The following SETD5 variants were observed in gnomAD, a reference collection of about 807,000 sequenced individuals.
SETD5 encodes SET domain containing 5.
In SETD5, 44 loss-of-function variants were observed where a neutral mutation model predicts 153.3. The ratio of observed to expected loss-of-function variants is 0.29; its 90% CI spans 0.23 to 0.37. SETD5 has a LOEUF of 0.37. Ranked by LOEUF, SETD5 falls within the 10% of genes least tolerant of loss-of-function variation. The probability of loss-of-function intolerance (pLI) is 1.00; values close to 1 mark genes in which losing one functional copy is unlikely to be tolerated. For missense variants in SETD5, 1,544 were observed against 1,768.0 expected (o/e 0.87, Z 2.27); for synonymous variants, 716 against 645.2 (o/e 1.11, Z -1.66).
In SETD5 at chr3:9,437,522, CGTGT is replaced by C. The variant is rs6147703; in HGVS notation, c.567+1641_567+1644del. Among the ~76,000 whole-genome samples, 14 of 145,116 alleles carry C rather than the reference CGTGT, an allele frequency of 9.6e-5. No homozygotes were observed. In the East Asian group the frequency reaches 1.6e-3, roughly 17 times the overall value. On this transcript the variant is annotated intron_variant, in intron 7 of 22. Coordinates refer to ENST00000402198, the MANE Select transcript of SETD5 (RefSeq NM_001080517.3). ...TTATGCTGTCTGGTATCCTCCTTTA[CGTGT>C]GTGTGTGTGTGTGTGTGTGTGTGTA... is the stretch of plus-strand genomic sequence containing the variant.
At chr3:9,461,912 G>T (rs2043997809) in intron 17 of SETD5, among the ~76,000 whole-genome samples, 1 of 152,050 alleles carries the variant, frequency 6.6e-6, no homozygotes, top group Non-Finnish European at 1.5e-5. Flanking sequence ...TTACATGTTT[G>T]TTTCTGTTTT....
At chr3:9,444,728 C>T (rs751754769) in intron 11 of SETD5, among the ~76,000 whole-genome samples, 2 of 151,370 alleles carry the variant, frequency 1.3e-5, no homozygotes, top group Non-Finnish European at 2.9e-5. Context: ...CCGTCTCTGC[C>T]GAAAATAAAA....
Position 9,464,667 on chromosome 3 carries a change from T to G in SETD5, c.2719T>G (p.Phe907Val), listed in dbSNP as rs1380926941. The change falls in exon 18 of 23, where the codon TTT (phenylalanine) becomes GTT (valine). Residue 907 changes from phenylalanine to valine, a missense_variant. By Grantham distance (50) the Phe-to-Val change is conservative. This residue lies in a region of SETD5 where 782 missense variants were observed against 787.2 expected (regional missense o/e 0.99). Transcript: ENST00000402198. ...TAGTCGCTGCAACACTCCTCTACAG[T>G]TTGAGGTGATTTGGGTTTGGTTGCT... ...TASRCNTPLQ[F>V]ELCHRKDLDL... The G allele has an allele frequency of 1.2e-6, 2 of 1,613,882 alleles. No homozygotes were observed. The highest frequency in any genetic ancestry group is 1.7e-5 in the Admixed American group (1 of 60,004).
chr3:9,428,920 C>A lies in SETD5; in HGVS notation c.-19C>A, dbSNP rs2039634147. On this transcript the variant is annotated 5_prime_UTR_variant, in exon 3 of 23. Transcript: ENST00000402198. ...TTAATTGGACCCCGTGATTTCCAAT[C>A]TCTGCTGTGTTGGACGTCATGAGCA... 3.1e-6 allele frequency: 5 copies of A among 1,604,920 alleles called. No homozygotes were observed. The highest frequency in any genetic ancestry group is 4.3e-6 in the Non-Finnish European group (5 of 1,173,812).
At chr3:9,435,205 T>C (rs1423396196) in intron 6 of SETD5, among the ~76,000 whole-genome samples, 1 of 135,958 alleles carries the variant, frequency 7.4e-6, no homozygotes, top group Non-Finnish European at 1.5e-5. Flanking sequence ...ATTGCGCCAG[T>C]GCACTCCAGC....
Position 9,434,015 on chromosome 3 carries a change from T to C in SETD5, c.177+65T>C. The C allele has an allele frequency of 6.2e-7, 1 of 1,612,990 alleles. No homozygotes were observed. Among genetic ancestry groups the C allele is most frequent in the Non-Finnish European group, 8.5e-7 (1 of 1,179,628 alleles). ...CTGGAGTGTAATCCATTCTTATACATTGTGACTTTCTTGAAATGTTTATAT... is the reference window on the plus strand; with the variant it reads ...CTGGAGTGTAATCCATTCTTATACACTGTGACTTTCTTGAAATGTTTATAT... On this transcript the variant is annotated intron_variant, in intron 4 of 22. Transcript: ENST00000402198. The surrounding 1 kb of genome is among the most constrained non-coding windows in gnomAD (Gnocchi z 5.6).
At position 9,445,138 on chromosome 3, in the gene SETD5, ACCACCT is replaced by A; in HGVS notation, c.1281_1286del (p.Pro429_Pro430del). 6.2e-7 allele frequency: 1 copy of A among 1,614,016 alleles called. No individual in the cohort carries two copies. The highest frequency in any genetic ancestry group is 8.5e-7 in the Non-Finnish European group (1 of 1,179,896). On this transcript the variant is annotated inframe_deletion, in exon 12 of 23. Coordinates refer to ENST00000402198, the MANE Select transcript of SETD5 (RefSeq NM_001080517.3). ...CTAATGCTACAGAACTGCCACTCCT[ACCACCT>A]CCTCCAAGCCTACCCACCATTGGAG...
Position 9,434,922 on chromosome 3 carries a change from A to C in SETD5, c.388+40A>C, listed in dbSNP as rs770420799. On this transcript the variant is annotated intron_variant, in intron 6 of 22. Coordinates refer to ENST00000402198, the MANE Select transcript of SETD5 (RefSeq NM_001080517.3). The surrounding 1 kb of genome is among the most constrained non-coding windows in gnomAD (Gnocchi z 5.6). ...GGTTAGGTCCACAATTTGACATAAA[A>C]ATATTCTGTGATCTGAATGTTCATT... 3.1e-6 allele frequency: 5 copies of C among 1,599,822 alleles called. No homozygotes were observed. The highest frequency in any genetic ancestry group is 4.3e-6 in the Non-Finnish European group (5 of 1,172,638).
chr3:9,407,601 A>G (rs537852099), intron 1 of SETD5, among the ~76,000 whole-genome samples: 11 of 152,326 alleles, frequency 7.2e-5, no homozygotes, highest in Middle Eastern at 3.4e-3. Context: ...TTTTTATAGT[A>G]CACCTCATTT....
intron 2 of SETD5, among the ~76,000 whole-genome samples, chr3:9,428,190 A>G (rs965330832): frequency 2.0e-5 from 3 of 152,166 alleles, no homozygotes; most frequent in Non-Finnish European, 4.4e-5. Flanking sequence ...CTAGCAGCGT[A>G]TTATTACCCC....
chr3:9,412,575 T>A (rs1013991613), intron 1 of SETD5, among the ~76,000 whole-genome samples: 7 of 151,740 alleles, frequency 4.6e-5, no homozygotes, highest in Non-Finnish European at 7.4e-5. Context: ...GCTAATTTTT[T>A]AAAAAATATC....
Position 9,403,262 on chromosome 3 carries a change from AAAAT to A in SETD5, c.-177+5293_-177+5296del, listed in dbSNP as rs1400821163. Among the ~76,000 whole-genome samples the A allele has an allele frequency of 4.6e-5, 7 of 152,334 alleles. No homozygotes were observed. The South Asian group carries it at 8.3e-4, about 18-fold the overall frequency. On this transcript the variant is annotated intron_variant, in intron 1 of 22. Coordinates refer to ENST00000402198, the MANE Select transcript of SETD5 (RefSeq NM_001080517.3). ...TCCATTCTCGCCAAGGAAAAATAAA[AAAAT>A]AAATAAAGCTCTGTATAGGTTAAAA...
At chr3:9,448,280 C>A in intron 15 of SETD5, 108 bp from the exon 16 acceptor site, 1 of 1,464,216 alleles carries the variant, frequency 6.8e-7, no homozygotes, top group Non-Finnish European at 9.1e-7. Context: ...TTCATTCTTA[C>A]TGCAGCTGCT....
chr3:9,408,631 T>C (rs1287191366), intron 1 of SETD5, among the ~76,000 whole-genome samples: 1 of 152,208 alleles, frequency 6.6e-6, no homozygotes, highest in Non-Finnish European at 1.5e-5. Context: ...CCCACCTGTA[T>C]TTCATGTAAA....
chr3:9,433,524 C>G, intron 3 of SETD5: 1 of 1,293,308 alleles, frequency 7.7e-7, no homozygotes, highest in Non-Finnish European at 1.0e-6. Flanking sequence ...CTAAACCAGC[C>G]CAGAGTGGCT....
intron 11 of SETD5, among the ~76,000 whole-genome samples, chr3:9,444,752 G>A (rs757593354): frequency 8.6e-5 from 13 of 151,670 alleles, no homozygotes; most frequent in Non-Finnish European, 1.5e-4. Context: ...TTAGCTGGGC[G>A]TGTAGTCCCA....
intron 17 of SETD5, among the ~76,000 whole-genome samples, chr3:9,460,261 A>G (rs962097351): frequency 2.0e-5 from 3 of 149,470 alleles, no homozygotes; most frequent in African/African-American, 7.3e-5. Context: ...TATTCATAGT[A>G]GTAAAAAAAA....
chr3:9,470,584 C>T lies in SETD5; in HGVS notation c.2850C>T (p.Leu950=), dbSNP rs771181581. The change falls in exon 19 of 23, where the codon CTC becomes CTT. Residue 950 remains leucine (L), a synonymous_variant. Coordinates refer to ENST00000402198, the MANE Select transcript of SETD5 (RefSeq NM_001080517.3). ...GHSDLAPHPS[L]GPTSETGFPS... ...CTGACCTGGCTCCTCATCCCTCCCT[C>T]GGACCCACTTCTGAGACTGGTTTCC... The T allele has an allele frequency of 4.3e-6, 7 of 1,613,890 alleles. No individual in the cohort carries two copies. The highest frequency in any genetic ancestry group is 3.3e-5 in the Admixed American group (2 of 60,002).
At chr3:9,474,662 T>G (rs920272420) in intron 21 of SETD5, 80 bp downstream of exon 21, 13 of 1,547,502 alleles carry the variant, frequency 8.4e-6, no homozygotes, top group African/African-American at 1.4e-5. Context: ...TAGTGCTGAG[T>G]TGAGGTGAGT....
Sources: gnomAD v4.1 joint callset for allele counts (sites outside exome capture counted in the v4.1 genomes callset) on GRCh38, gnomAD v4.1.1 for gene constraint, gnomAD v4.1.1 regional missense constraint, Gnocchi (gnomAD v3.1) non-coding constraint, MANE v1.5 for transcripts, NCBI Gene and HGNC (gene_info 2026-07-23, HGNC 2026-07-21) for gene names.